The following BRINP1 variants were observed in gnomAD, a reference collection of about 807,000 sequenced individuals.
BRINP1 encodes the protein BMP/retinoic acid-inducible neural-specific protein 1.
In BRINP1, 17 loss-of-function variants were observed where a neutral mutation model predicts 72.9. The observed-to-expected ratio is 0.23, with a 90% CI of 0.16 to 0.35. The LOEUF is 0.35. Among genes scored for constraint, BRINP1 ranks in the 10% least tolerant of loss-of-function variants. BRINP1 has a pLI of 1.00. For missense variants in BRINP1, 850 were observed against 1,001.6 expected (o/e 0.85, Z 2.04); for synonymous variants, 418 against 378.5 (o/e 1.10, Z -1.21).
chr9:119,268,224 C>A (rs1435322978), intron 2 of BRINP1, among the ~76,000 whole-genome samples: 1 of 148,196 alleles, frequency 6.7e-6, no homozygotes, highest in South Asian at 2.1e-4. Flanking sequence ...GCCTGGGCGA[C>A]AGAGTGAGAC....
intron 1 of BRINP1, among the ~76,000 whole-genome samples, chr9:119,342,400 A>C (rs558604583): frequency 1.4e-4 from 22 of 152,322 alleles, no homozygotes; most frequent in Non-Finnish European, 2.8e-4. Flanking sequence ...GATCTAATCC[A>C]ATTCCTTTGT....
rs557224909 is a variant in BRINP1, at chr9:119,167,837, G to T, written c.1533C>A (p.Arg511=). The T allele has an allele frequency of 6.2e-7, 1 of 1,614,204 alleles. No individual in the cohort carries two copies. The highest frequency in any genetic ancestry group is 8.5e-7 in the Non-Finnish European group (1 of 1,180,036). The change falls in exon 8 of 8, where the codon CGC becomes CGA. Residue 511 remains arginine, a synonymous_variant. Coordinates refer to ENST00000265922, the MANE Select transcript of BRINP1 (RefSeq NM_014618.3). The surrounding 1 kb of genome is among the most constrained non-coding windows in gnomAD (Gnocchi z 4.3). ...VHTTFISNEI[R]LDTFFDPRWR... The stretch of plus-strand genomic sequence containing the variant: ...ACCGAGGGTCAAAGAAGGTGTCGAG[G>T]CGGATCTCGTTGCTGATGAAGGTGG...
Position 119,249,133 on chromosome 9 carries a change from T to G in BRINP1, c.236A>C (p.Lys79Thr). The G allele has an allele frequency of 6.2e-7, 1 of 1,613,550 alleles. No individual in the cohort carries two copies. Among genetic ancestry groups the G allele is most frequent in the Non-Finnish European group, 8.5e-7 (1 of 1,179,832 alleles). The change falls in exon 3 of 8, where the codon AAG (lysine) becomes ACG (threonine). Residue 79 changes from lysine to threonine, a missense_variant. By Grantham distance (78) the Lys-to-Thr change is moderately conservative. Coordinates refer to ENST00000265922, the MANE Select transcript of BRINP1 (RefSeq NM_014618.3). ...YKIYREFARW[K>T]VRNTAIERRD... ...CCTCTCGATGGCTGTGTTCCTCACC[T>G]TCCAACGGGCAAACTCCCTGGGCAG...
At chr9:119,173,521 T>A (rs553262821) in intron 7 of BRINP1, among the ~76,000 whole-genome samples, 1 of 152,098 alleles carries the variant, frequency 6.6e-6, no homozygotes, top group Non-Finnish European at 1.5e-5. Flanking sequence ...TGCTCATGGG[T>A]AGGAAGAATC....
At chr9:119,305,293 T>C (rs1830984110) in intron 2 of BRINP1, among the ~76,000 whole-genome samples, 1 of 152,230 alleles carries the variant, frequency 6.6e-6, no homozygotes, top group Non-Finnish European at 1.5e-5. Context: ...TGTTCACATG[T>C]ATTCAGGTCA....
intron 1 of BRINP1, among the ~76,000 whole-genome samples, chr9:119,361,687 C>T (rs2119043511): frequency 6.6e-6 from 1 of 151,520 alleles, no homozygotes; most frequent in African/African-American, 2.4e-5. Flanking sequence ...GTGGCATGAT[C>T]TTGGCTCACG....
intron 1 of BRINP1, among the ~76,000 whole-genome samples, chr9:119,355,348 C>T (rs1349479181): frequency 6.6e-6 from 1 of 152,160 alleles, no homozygotes; most frequent in Non-Finnish European, 1.5e-5. Flanking sequence ...ATATGTGAGG[C>T]ATGTTGCGAA....
intron 1 of BRINP1, among the ~76,000 whole-genome samples, chr9:119,325,041 A>G (rs991092615): frequency 1.3e-5 from 2 of 152,066 alleles, no homozygotes; most frequent in Non-Finnish European, 2.9e-5. Flanking sequence ...CGAAAGTTGT[A>G]GTGAGCTGAG....
chr9:119,322,378 T>C (rs1372555767), intron 1 of BRINP1, among the ~76,000 whole-genome samples: 1 of 152,172 alleles, frequency 6.6e-6, no homozygotes, highest in Non-Finnish European at 1.5e-5. Context: ...GGCTGAACTG[T>C]GCTATATATA....
intron 5 of BRINP1, among the ~76,000 whole-genome samples, chr9:119,236,916 C>G (rs1253921621): frequency 1.3e-5 from 2 of 152,162 alleles, no homozygotes; most frequent in Non-Finnish European, 2.9e-5. Flanking sequence ...TAGTAAACCA[C>G]TTTCTTGGCC....
intron 7 of BRINP1, among the ~76,000 whole-genome samples, chr9:119,186,700 T>C (rs1304405385): frequency 6.6e-6 from 1 of 152,178 alleles, no homozygotes; most frequent in Non-Finnish European, 1.5e-5. Context: ...CCTACTGCCC[T>C]GGATCTGGAC....
At chr9:119,202,540 C>T (rs943433056) in intron 7 of BRINP1, among the ~76,000 whole-genome samples, 25 of 152,084 alleles carry the variant, frequency 1.6e-4, no homozygotes, top group African/African-American at 5.8e-4. Context: ...ATAGCTGAGA[C>T]CAAACTTAAA....
intron 1 of BRINP1, among the ~76,000 whole-genome samples, chr9:119,358,184 G>A (rs374752177): frequency 6.6e-6 from 1 of 152,032 alleles, no homozygotes; most frequent in Non-Finnish European, 1.5e-5. Flanking sequence ...GATGAAGAGG[G>A]GAATCATAAG....
At chr9:119,357,646 G>C (rs1404166632) in intron 1 of BRINP1, among the ~76,000 whole-genome samples, 1 of 152,214 alleles carries the variant, frequency 6.6e-6, no homozygotes, top group Non-Finnish European at 1.5e-5. Flanking sequence ...GACAGATAAA[G>C]AGAGAAAGCA....
chr9:119,294,258 C>T (rs1256006687), intron 2 of BRINP1, among the ~76,000 whole-genome samples: 12 of 152,234 alleles, frequency 7.9e-5, no homozygotes, highest in South Asian at 2.1e-4. Context: ...AGGCTGGGCA[C>T]GGTGGCTCAT....
chr9:119,350,902 CTTT>C (rs796162745), intron 1 of BRINP1, among the ~76,000 whole-genome samples: 2 of 142,180 alleles, frequency 1.4e-5, no homozygotes, highest in Non-Finnish European at 1.5e-5. Context: ...GTATTTATGT[CTTT>C]TTTTTTTTTT....
At chr9:119,242,726 AAG>A (rs1830266964) in intron 3 of BRINP1, among the ~76,000 whole-genome samples, 1 of 152,214 alleles carries the variant, frequency 6.6e-6, no homozygotes, top group Non-Finnish European at 1.5e-5. Flanking sequence ...GATAGCTAGA[AAG>A]AGATATTTGG....
chr9:119,179,209 G>A (rs192360268), intron 7 of BRINP1, among the ~76,000 whole-genome samples: 2 of 152,306 alleles, frequency 1.3e-5, no homozygotes, highest in East Asian at 3.9e-4. Flanking sequence ...GCAGGGAGAA[G>A]CAGGTTTTAA....
chr9:119,174,865 G>A (rs1006536963), intron 7 of BRINP1, among the ~76,000 whole-genome samples: 22 of 147,030 alleles, frequency 1.5e-4, no homozygotes, highest in African/African-American at 5.3e-4. Context: ...ACTATCGCAA[G>A]AACAAAAAAC....
Sources: gnomAD v4.1 joint callset for allele counts (sites outside exome capture counted in the v4.1 genomes callset) on GRCh38, gnomAD v4.1.1 for gene constraint, Gnocchi (gnomAD v3.1) non-coding constraint, MANE v1.5 for transcripts, NCBI Gene and HGNC (gene_info 2026-07-23, HGNC 2026-07-21) for gene names.